Variants in LIN52 observed in about 807,000 individuals in gnomAD.
The protein encoded by LIN52 is lin-52 DREAM MuvB core complex component, also known as protein lin-52 homolog.
A neutral mutation model predicts 18.5 loss-of-function variants in LIN52; 4 were observed. That is an observed-to-expected ratio of 0.22 (90% CI 0.11 to 0.49). The LOEUF (loss-of-function observed/expected upper bound fraction) is 0.49, where lower values mean the gene tolerates loss of function less well. LIN52 is among the 20% of genes least tolerant of loss of function. LIN52 has a pLI of 0.97. For missense variants in LIN52, 102 were observed against 139.5 expected, an observed-to-expected ratio of 0.73 and a Z score of 1.35; for synonymous variants, 34 against 45.5, an observed-to-expected ratio of 0.75 and a Z score of 1.02.
At chr14:74,137,757 C>G (rs1315141846) in intron 5 of LIN52, among the ~76,000 whole-genome samples, 1 of 152,086 alleles carries the variant, frequency 6.6e-6, no homozygotes, top group African/African-American at 2.4e-5. Flanking sequence ...CTCAGCCTCC[C>G]AAAGTGCTGA....
chr14:74,133,288 G>A (rs1380975117), intron 5 of LIN52, among the ~76,000 whole-genome samples: 2 of 152,222 alleles, frequency 1.3e-5, no homozygotes, highest in Non-Finnish European at 2.9e-5. Context: ...GAAGAGAGCA[G>A]CATGTGATAA....
Position 74,200,998 on chromosome 14 carries a change from T to C in LIN52, c.*2021T>C, listed in dbSNP as rs2078945990. The C allele has an allele frequency of 6.6e-6, 1 of 152,356 alleles. No homozygotes were observed. The highest frequency in any genetic ancestry group is 2.1e-4 in the South Asian group (1 of 4,830). 9.4% of individuals were successfully genotyped at this position (152,356 alleles called of 1,614,324 possible). ...CAGGTGGTTGGTTTTCTGGTCCGCT[T>C]TGTCCTCTTTCTTTTACCGTCATCC... On this transcript the variant is annotated 3_prime_UTR_variant, in exon 6 of 6. Coordinates refer to ENST00000555028, the MANE Select transcript of LIN52 (RefSeq NM_001024674.3).
intron 4 of LIN52, 28 bp downstream of exon 4, chr14:74,097,888 C>T: frequency 6.5e-7 from 1 of 1,544,008 alleles, no homozygotes; most frequent in Non-Finnish European, 8.9e-7. Flanking sequence ...CCACTTTTAA[C>T]TGGATATTTA....
At chr14:74,122,800 A>G (rs2061007414) in intron 5 of LIN52, among the ~76,000 whole-genome samples, 1 of 152,170 alleles carries the variant, frequency 6.6e-6, no homozygotes, top group Admixed American at 6.5e-5. Context: ...TGGGAGGCAG[A>G]GGTTGCAGTG....
chr14:74,179,578 C>T (rs2061308312), intron 5 of LIN52, among the ~76,000 whole-genome samples: 1 of 151,322 alleles, frequency 6.6e-6, no homozygotes, highest in African/African-American at 2.4e-5. Context: ...ATCGCTTGAA[C>T]CCGGGAGGTG....
rs536229668 is a variant in LIN52 at position 74,150,354 on chromosome 14, C to T, written c.284-48568C>T. On this transcript the variant is annotated intron_variant, in intron 5 of 5. Transcript: ENST00000555028. ...AATACTGTATAGCCATGAAAATGAACCAGCTCTTGCTACATGCAACAACAT... is the reference window on the plus strand; with the variant it reads ...AATACTGTATAGCCATGAAAATGAATCAGCTCTTGCTACATGCAACAACAT... Among the ~76,000 whole-genome samples the T allele has an allele frequency of 4.6e-5, 7 of 152,192 alleles. No individual in the cohort carries two copies. The South Asian group carries it at 1.5e-3, about 32-fold the overall frequency.
intron 5 of LIN52, among the ~76,000 whole-genome samples, chr14:74,118,119 G>A (rs1426505918): frequency 2.6e-5 from 4 of 152,054 alleles, no homozygotes; most frequent in African/African-American, 9.7e-5. Context: ...AAAGAGAGCC[G>A]GACAAGCTGA....
intron 5 of LIN52, among the ~76,000 whole-genome samples, chr14:74,162,482 A>C (rs1363627037): frequency 2.8e-4 from 42 of 151,124 alleles, no homozygotes; most frequent in African/African-American, 9.2e-4. Flanking sequence ...TCACAAAAAA[A>C]AAAAAAAAAA....
chr14:74,109,720 T>C (rs144509731), intron 5 of LIN52, among the ~76,000 whole-genome samples: 1,570 of 152,338 alleles, frequency 0.01, 12 homozygotes, highest in Middle Eastern at 0.027. Flanking sequence ...CTATTATAAA[T>C]GGAATTGTTG....
At chr14:74,104,302 T>C (rs191342613) in intron 5 of LIN52, among the ~76,000 whole-genome samples, 1 of 152,212 alleles carries the variant, frequency 6.6e-6, no homozygotes, top group Non-Finnish European at 1.5e-5. Context: ...GGGTTTAGAT[T>C]TCTGTAGTTG....
At chr14:74,156,507 G>T (rs1372324293) in intron 5 of LIN52, among the ~76,000 whole-genome samples, 1 of 152,030 alleles carries the variant, frequency 6.6e-6, no homozygotes, top group African/African-American at 2.4e-5. Context: ...TGCTTTCATT[G>T]TTTTTAATTG....
At chr14:74,137,364 C>T (rs541064745) in intron 5 of LIN52, among the ~76,000 whole-genome samples, 22 of 151,790 alleles carry the variant, frequency 1.4e-4, no homozygotes, top group African/African-American at 4.8e-4. Flanking sequence ...CACATTCAGA[C>T]CTCCCCAATT....
At chr14:74,198,718 C>T (rs1414205558) in intron 5 of LIN52, among the ~76,000 whole-genome samples, 1 of 152,204 alleles carries the variant, frequency 6.6e-6, no homozygotes, top group Non-Finnish European at 1.5e-5. Context: ...CAATTGCCAA[C>T]TTCAGAATAG....
chr14:74,125,607 T>A lies in LIN52; in HGVS notation c.283+24369T>A, dbSNP rs1286598582. Among the ~76,000 whole-genome samples, 3 of 152,222 alleles carry A rather than the reference T, an allele frequency of 2.0e-5. No individual in the cohort carries two copies. The East Asian group carries it at 5.8e-4, about 29-fold the overall frequency. Reference sequence around the variant, plus strand: ...TTCACATGTATGTTTATTGCGGCACTATTCACAATAGCAAAGACTTGGAAC... The same window carrying A: ...TTCACATGTATGTTTATTGCGGCACAATTCACAATAGCAAAGACTTGGAAC... On this transcript the variant is annotated intron_variant, in intron 5 of 5. Transcript: ENST00000555028.
intron 5 of LIN52, among the ~76,000 whole-genome samples, chr14:74,152,454 T>G (rs1239293793): frequency 1.3e-5 from 2 of 152,110 alleles, no homozygotes; most frequent in Non-Finnish European, 2.9e-5. Context: ...GGTACTTCAT[T>G]CACTAAGTGC....
chr14:74,087,945 C>T (rs1200364555), intron 1 of LIN52, among the ~76,000 whole-genome samples: 1 of 152,098 alleles, frequency 6.6e-6, no homozygotes, highest in Non-Finnish European at 1.5e-5. Flanking sequence ...GACAGGGTCT[C>T]TCTCACTCTA....
At chr14:74,101,506 T>G (rs1311052845) in intron 5 of LIN52, among the ~76,000 whole-genome samples, 1 of 150,892 alleles carries the variant, frequency 6.6e-6, no homozygotes, top group Non-Finnish European at 1.5e-5. Flanking sequence ...TCGCCCAGGC[T>G]GGAGTGCAGT....
intron 5 of LIN52, among the ~76,000 whole-genome samples, chr14:74,160,392 T>G (rs2061219168): frequency 6.6e-6 from 1 of 152,194 alleles, no homozygotes; most frequent in Non-Finnish European, 1.5e-5. Flanking sequence ...CTATAGGAGT[T>G]TATAATCTCT....
intron 5 of LIN52, 114 bp from the exon 6 acceptor site, chr14:74,198,808 A>G: frequency 1.3e-6 from 1 of 783,300 alleles, no homozygotes; most frequent in Non-Finnish European, 2.1e-6. Flanking sequence ...ATCTGTTGTG[A>G]TAGCAACTTG....
Sources: gnomAD v4.1 joint callset for allele counts (sites outside exome capture counted in the v4.1 genomes callset) on GRCh38, gnomAD v4.1.1 for gene constraint, MANE v1.5 for transcripts, NCBI Gene and HGNC (gene_info 2026-07-23, HGNC 2026-07-21) for gene names.